Variants in GRM8 observed in about 807,000 individuals in gnomAD.
GRM8 encodes the protein glutamate metabotropic receptor 8.
Under a neutral mutation model 87.2 loss-of-function variants are expected in GRM8, and 47 were observed. That is an observed-to-expected ratio of 0.54 (90% CI 0.43 to 0.69). GRM8 has a LOEUF of 0.69. Among genes scored for constraint, GRM8 ranks in the 30% least tolerant of loss-of-function variants. GRM8 has a pLI of 0.00. For missense variants in GRM8, 1,019 were observed against 1,139.2 expected, an observed-to-expected ratio of 0.89 and a Z score of 1.52; for synonymous variants, 396 against 404.5, an observed-to-expected ratio of 0.98 and a Z score of 0.25.
At chr7:126,976,901 ATT>A (rs35457348) in intron 3 of GRM8, among the ~76,000 whole-genome samples, 15 of 146,206 alleles carry the variant, frequency 1.0e-4, no homozygotes, top group African/African-American at 3.0e-4. Context: ...TATTTTCATT[ATT>A]TTTTTTTTTT....
chr7:126,527,336 C>T (rs1814014623), intron 9 of GRM8, among the ~76,000 whole-genome samples: 1 of 151,972 alleles, frequency 6.6e-6, no homozygotes, highest in Non-Finnish European at 1.5e-5. Context: ...CCAGCCTGGG[C>T]AACAGAGCGA....
intron 3 of GRM8, among the ~76,000 whole-genome samples, chr7:126,982,087 GGAAGC>G (rs1171507623): frequency 6.6e-6 from 1 of 152,174 alleles, no homozygotes; most frequent in African/African-American, 2.4e-5. Context: ...TGAGGAGCAA[GGAAGC>G]CAGTCTGAGT....
chr7:126,770,156 C>A, intron 6 of GRM8, 91 bp from the exon 7 acceptor site: 1 of 786,136 alleles, frequency 1.3e-6, no homozygotes. Flanking sequence ...TTGAGGAACA[C>A]TTAATGAGAC....
At chr7:127,216,950 A>G (rs186452558) in intron 2 of GRM8, among the ~76,000 whole-genome samples, 52 of 152,238 alleles carry the variant, frequency 3.4e-4, no homozygotes, top group African/African-American at 1.2e-3. Flanking sequence ...CCACCATATC[A>G]TTTATCTGTC....
intron 8 of GRM8, among the ~76,000 whole-genome samples, chr7:126,605,369 T>C (rs970626204): frequency 3.9e-5 from 6 of 152,166 alleles, no homozygotes; most frequent in African/African-American, 9.7e-5. Flanking sequence ...ATTATGCTGA[T>C]TGTAATTGCC....
intron 9 of GRM8, among the ~76,000 whole-genome samples, chr7:126,486,746 A>G (rs1168794939): frequency 6.6e-6 from 1 of 152,124 alleles, no homozygotes; most frequent in Non-Finnish European, 1.5e-5. Flanking sequence ...AACAAAGGTA[A>G]GCCCATTATA....
At chr7:126,617,539 G>A (rs1165386807) in intron 7 of GRM8, among the ~76,000 whole-genome samples, 1 of 152,096 alleles carries the variant, frequency 6.6e-6, no homozygotes, top group Admixed American at 6.6e-5. Context: ...CAATCAGGCA[G>A]GAGAAAGAAA....
intron 7 of GRM8, among the ~76,000 whole-genome samples, chr7:126,704,507 A>G (rs997297650): frequency 1.3e-5 from 2 of 152,208 alleles, no homozygotes; most frequent in Non-Finnish European, 2.9e-5. Context: ...AGATAACCTT[A>G]AACTCTGACC....
intron 3 of GRM8, among the ~76,000 whole-genome samples, chr7:126,905,133 T>C (rs1003541862): frequency 1.2e-4 from 19 of 152,220 alleles, no homozygotes; most frequent in African/African-American, 1.2e-4. Context: ...AAAGTTAATT[T>C]CATTGTATAG....
intron 6 of GRM8, among the ~76,000 whole-genome samples, chr7:126,882,374 A>G (rs1366126777): frequency 6.6e-6 from 1 of 152,128 alleles, no homozygotes; most frequent in African/African-American, 2.4e-5. Context: ...TATAACATGA[A>G]CAAATACTCT....
intron 3 of GRM8, among the ~76,000 whole-genome samples, chr7:126,951,382 T>A (rs1808139299): frequency 6.6e-6 from 1 of 152,082 alleles, no homozygotes; most frequent in Non-Finnish European, 1.5e-5. Context: ...TTTGTAAAGC[T>A]CTGGCTCTTA....
chr7:126,814,358 T>G (rs1793575143), intron 6 of GRM8, among the ~76,000 whole-genome samples: 1 of 152,120 alleles, frequency 6.6e-6, no homozygotes, highest in South Asian at 2.1e-4. Context: ...TATCAGATAC[T>G]TTTAACAACA....
rs138266530 is a variant in GRM8, at chr7:126,805,237, AG to A, written c.1157-35173del. Among the ~76,000 whole-genome samples, 1,056 of 152,312 alleles carry A rather than the reference AG, an allele frequency of 6.9e-3. 13 individuals are homozygous for A. The highest frequency in any genetic ancestry group is 0.024 in the Admixed American group (370 of 15,298). ...TTTCAACTTGGGACCAATCCAAAAA[AG>A]CCAAAAATGATCCCCCAAACCCATC... On this transcript the variant is annotated intron_variant, in intron 6 of 10. Coordinates refer to ENST00000339582, the MANE Select transcript of GRM8 (RefSeq NM_000845.3).
intron 8 of GRM8, among the ~76,000 whole-genome samples, chr7:126,602,192 C>A (rs1308566033): frequency 4.1e-4 from 58 of 142,760 alleles, no homozygotes; most frequent in Non-Finnish European, 6.6e-4. Context: ...AATAGGGAAT[C>A]CTTTCCCCAT....
intron 9 of GRM8, among the ~76,000 whole-genome samples, chr7:126,447,590 A>G (rs989350380): frequency 6.6e-6 from 1 of 151,950 alleles, no homozygotes; most frequent in African/African-American, 2.4e-5. Context: ...GTCCTTTTAA[A>G]TAAAGAATCA....
intron 9 of GRM8, among the ~76,000 whole-genome samples, chr7:126,471,057 T>C (rs1185920708): frequency 6.6e-6 from 1 of 152,306 alleles, no homozygotes; most frequent in African/African-American, 2.4e-5. Context: ...TTCTTGTAAA[T>C]TTGTTTGAGT....
At chr7:127,094,821 C>T (rs1824482322) in intron 3 of GRM8, among the ~76,000 whole-genome samples, 1 of 152,172 alleles carries the variant, frequency 6.6e-6, no homozygotes, top group Non-Finnish European at 1.5e-5. Context: ...AAGCTCCTGG[C>T]CCTTTTCAAG....
At chr7:126,458,138 T>C (rs2150509791) in intron 9 of GRM8, among the ~76,000 whole-genome samples, 1 of 150,456 alleles carries the variant, frequency 6.6e-6, no homozygotes, top group East Asian at 2.0e-4. Flanking sequence ...ACTTGATCAG[T>C]TAAAATAATT....
intron 7 of GRM8, among the ~76,000 whole-genome samples, chr7:126,655,836 T>C (rs561131360): frequency 7.2e-5 from 11 of 152,318 alleles, no homozygotes; most frequent in African/African-American, 2.2e-4. Flanking sequence ...CCAAGGTAGA[T>C]ACATTTCCAA....
Sources: gnomAD v4.1 joint callset for allele counts (sites outside exome capture counted in the v4.1 genomes callset) on GRCh38, gnomAD v4.1.1 for gene constraint, MANE v1.5 for transcripts, NCBI Gene and HGNC (gene_info 2026-07-23, HGNC 2026-07-21) for gene names.